ATP6V1D: variants seen among roughly 807,000 people sequenced by gnomAD.
ATP6V1D encodes ATPase H+ transporting V1 subunit D, also known as V-type proton ATPase subunit D.
In ATP6V1D, 20 loss-of-function variants were observed where a neutral mutation model predicts 39.4. That is an observed-to-expected ratio of 0.51 (90% CI 0.36 to 0.74). The LOEUF is 0.74. Among genes scored for constraint, ATP6V1D ranks in the 30% least tolerant of loss-of-function variants. ATP6V1D has a pLI of 0.00. For missense variants in ATP6V1D, 228 were observed against 291.6 expected, an observed-to-expected ratio of 0.78 and a Z score of 1.59; for synonymous variants, 100 against 100.5, an observed-to-expected ratio of 0.99 and a Z score of 0.03.
At chr14:67,357,149 T>G (rs563617000) in intron 1 of ATP6V1D, among the ~76,000 whole-genome samples, 1 of 152,258 alleles carries the variant, frequency 6.6e-6, no homozygotes, top group African/African-American at 2.4e-5. Flanking sequence ...CGTCTTTTAC[T>G]TCCACTCTAC....
chr14:67,359,440 T>C (rs544545359), intron 1 of ATP6V1D, among the ~76,000 whole-genome samples: 2 of 151,916 alleles, frequency 1.3e-5, no homozygotes, highest in South Asian at 4.2e-4. Context: ...CGGGCGCCTT[T>C]TCCTACCGGC....
chr14:67,352,801 A>G (rs80344276), intron 2 of ATP6V1D, 122 bp downstream of exon 2: 2 of 663,494 alleles, frequency 3.0e-6, no homozygotes, highest in Admixed American at 2.7e-5. Flanking sequence ...TTAAACTTAT[A>G]ATGGTATTTT....
intron 1 of ATP6V1D, among the ~76,000 whole-genome samples, chr14:67,355,819 C>G (rs1352814561): frequency 1.3e-5 from 2 of 151,360 alleles, no homozygotes; most frequent in African/African-American, 4.9e-5. Context: ...AAGGTGAAAC[C>G]CTGTCTCTAC....
At chr14:67,356,447 ACAAAAAC>A (rs1566604349) in intron 1 of ATP6V1D, among the ~76,000 whole-genome samples, 29 of 140,772 alleles carry the variant, frequency 2.1e-4, no homozygotes, top group African/African-American at 7.3e-4. Flanking sequence ...AAAAAAAAAA[ACAAAAAC>A]AAACAAACAC....
At chr14:67,349,251 G>C in intron 3 of ATP6V1D, 147 bp from the exon 4 acceptor site, 1 of 760,054 alleles carries the variant, frequency 1.3e-6, no homozygotes, top group Non-Finnish European at 2.1e-6. Flanking sequence ...TCCAAAAAGG[G>C]AGAAAAGTCA....
At chr14:67,338,992 CTTTTTTT>C (rs772977015) in intron 8 of ATP6V1D, among the ~76,000 whole-genome samples, 1 of 131,158 alleles carries the variant, frequency 7.6e-6, no homozygotes, top group Admixed American at 7.8e-5. Context: ...AGACAGAAGC[CTTTTTTT>C]TTTTTTTTTT....
chr14:67,346,374 C>T (rs549772026), intron 5 of ATP6V1D, among the ~76,000 whole-genome samples: 1 of 152,112 alleles, frequency 6.6e-6, no homozygotes, highest in African/African-American at 2.4e-5. Context: ...TGCAGTGGTG[C>T]GATCTCAGCT....
At chr14:67,348,667 G>A (rs1327718955) in intron 4 of ATP6V1D, among the ~76,000 whole-genome samples, 7 of 151,114 alleles carry the variant, frequency 4.6e-5, no homozygotes, top group East Asian at 3.9e-4. Flanking sequence ...GGCTACAGGC[G>A]CGTGCCACCA....
rs2085593142 is a variant in ATP6V1D, at chr14:67,342,563, T to C, written c.523+809A>G. ...GTAAGAACTACGAATTATCCTTTTT[T>C]TTTTTTTTTTCTTTGCTTCCACTTT... On this transcript the variant is annotated intron_variant, in intron 7 of 8. Transcript: ENST00000216442. Among the ~76,000 whole-genome samples, 4 of 151,288 alleles carry C rather than the reference T, an allele frequency of 2.6e-5. No individual in the cohort carries two copies. The South Asian group carries it at 8.3e-4, about 32-fold the overall frequency.
At chr14:67,357,282 T>A (rs1473214052) in intron 1 of ATP6V1D, among the ~76,000 whole-genome samples, 1 of 152,264 alleles carries the variant, frequency 6.6e-6, no homozygotes, top group Non-Finnish European at 1.5e-5. Flanking sequence ...CTTTTAAAAC[T>A]TGCTCCTTTA....
At chr14:67,340,032 C>CAAAAAAAAAAAAAAAAAA (rs34358102) in intron 8 of ATP6V1D, 1 of 71,698 alleles carries the variant, frequency 1.4e-5, no homozygotes. Flanking sequence ...CTCTGTCTCA[C>CAAAAAAAAAAAAAAAAAA]AAAAAAAAAA....
intron 7 of ATP6V1D, 45 bp from the exon 8 acceptor site, chr14:67,340,563 T>C (rs1299984536): frequency 6.7e-7 from 1 of 1,485,764 alleles, no homozygotes; most frequent in Non-Finnish European, 9.4e-7. Flanking sequence ...TTCAAACCCC[T>C]TTTTTCAAAT....
intron 2 of ATP6V1D, 47 bp downstream of exon 2, chr14:67,352,876 C>T: frequency 7.5e-7 from 1 of 1,337,034 alleles, no homozygotes; most frequent in Non-Finnish European, 1.0e-6. Flanking sequence ...AAGGGCCATG[C>T]TGGATTTTTC....
chr14:67,346,338 G>A (rs189831001), intron 5 of ATP6V1D, among the ~76,000 whole-genome samples: 6 of 152,328 alleles, frequency 3.9e-5, no homozygotes, highest in Non-Finnish European at 8.8e-5. Context: ...TTGAGATGGG[G>A]TCTCACTCTG....
chr14:67,339,054 C>T (rs566195343), intron 8 of ATP6V1D, among the ~76,000 whole-genome samples: 159 of 137,196 alleles, frequency 1.2e-3, no homozygotes, highest in Admixed American at 5.6e-3. Context: ...AGTGCAGTGG[C>T]GCACGCAATC....
At chr14:67,356,459 A>G (rs923598201) in intron 1 of ATP6V1D, among the ~76,000 whole-genome samples, 2 of 151,454 alleles carry the variant, frequency 1.3e-5, no homozygotes, top group African/African-American at 2.4e-5. Context: ...AAAAACAAAC[A>G]AACACCATTT....
At position 67,350,689 on chromosome 14, in the gene ATP6V1D, G is replaced by T. The variant is rs758770521; in HGVS notation, c.161C>A (p.Thr54Asn). 3 of 1,613,010 alleles carry T rather than the reference G, an allele frequency of 1.9e-6. No individual in the cohort carries two copies. The highest frequency in any genetic ancestry group is 3.3e-5 in the Admixed American group (2 of 59,830). The change falls in exon 3 of 9, where the codon ACT becomes AAT. Residue 54 changes from threonine (T) to asparagine (N), a missense_variant and splice_region_variant. By Grantham distance (65) the Thr-to-Asn change is moderately conservative. This residue lies in a region of ATP6V1D where 104 missense variants were observed against 120.2 expected (regional missense o/e 0.87). Coordinates refer to ENST00000216442, the MANE Select transcript of ATP6V1D (RefSeq NM_015994.4). ...FRQILKKIIE[T>N]KMLMGEVMRE... ...CATCACTTCGCCCATCAACATTTTAGTCTGGAAAAGCATAAACCAACAGCA... is the reference window on the plus strand; with the variant it reads ...CATCACTTCGCCCATCAACATTTTATTCTGGAAAAGCATAAACCAACAGCA...
intron 2 of ATP6V1D, among the ~76,000 whole-genome samples, chr14:67,351,528 A>T (rs1226438919): frequency 6.6e-6 from 1 of 152,186 alleles, no homozygotes; most frequent in Non-Finnish European, 1.5e-5. Flanking sequence ...TTATTTTTTG[A>T]GACAAGGTCT....
Position 67,350,232 on chromosome 14 carries a change from G to A in ATP6V1D, c.239+379C>T, listed in dbSNP as rs929765980. On this transcript the variant is annotated intron_variant, in intron 3 of 8. Coordinates refer to ENST00000216442, the MANE Select transcript of ATP6V1D (RefSeq NM_015994.4). ...TCAGTAGAAACAAAAATACATATGT[G>A]TAAAAATGTTCACTGCACTTTCCCT... 3.3e-5 allele frequency among the ~76,000 whole-genome samples: 5 copies of A among 152,024 alleles called. No individual in the cohort carries two copies. The South Asian group carries it at 1.0e-3, about 31-fold the overall frequency.
Sources: allele counts gnomAD v4.1 joint callset (sites outside exome capture counted in the v4.1 genomes callset), GRCh38; gene constraint gnomAD v4.1.1; regional missense constraint gnomAD v4.1.1; transcripts MANE v1.5; gene names NCBI Gene and HGNC (gene_info 2026-07-23, HGNC 2026-07-21).